JAM3: variants seen among roughly 807,000 people sequenced by gnomAD.
JAM3 encodes the protein junctional adhesion molecule C.
A neutral mutation model predicts 39.4 loss-of-function variants in JAM3; 31 were observed. The observed-to-expected ratio is 0.79, with a 90% CI of 0.59 to 1.06. The LOEUF is 1.06. JAM3 is among the 50% of genes least tolerant of loss of function. The pLI, the probability that JAM3 is intolerant of heterozygous loss-of-function variation, is 0.00. For missense variants in JAM3, 455 were observed against 391.4 expected, an observed-to-expected ratio of 1.16 and a Z score of -1.37; for synonymous variants, 182 against 148.7, an observed-to-expected ratio of 1.22 and a Z score of -1.63.
At chr11:134,095,115 T>G (rs1235179339) in intron 1 of JAM3, among the ~76,000 whole-genome samples, 1 of 152,186 alleles carries the variant, frequency 6.6e-6, no homozygotes, top group East Asian at 1.9e-4. Flanking sequence ...ACTGTCAGCA[T>G]TAGGTCTGTC....
At chr11:134,145,532 A>G in intron 5 of JAM3, 1 of 322,862 alleles carries the variant, frequency 3.1e-6, no homozygotes, top group South Asian at 2.9e-5. Context: ...CCAGCAAACC[A>G]CACCAGGCTT....
chr11:134,129,740 G>T (rs781262358), intron 1 of JAM3, among the ~76,000 whole-genome samples: 3 of 152,174 alleles, frequency 2.0e-5, no homozygotes, highest in Non-Finnish European at 4.4e-5. Flanking sequence ...GATGGCTTAC[G>T]CCTGTAAGCC....
chr11:134,126,623 T>G (rs547251172), intron 1 of JAM3: 12 of 152,348 alleles, frequency 7.9e-5, no homozygotes, highest in African/African-American at 2.9e-4. Flanking sequence ...CACACAGATA[T>G]GGGAGGGATT....
intron 1 of JAM3, among the ~76,000 whole-genome samples, chr11:134,088,117 T>G (rs1379029177): frequency 1.3e-5 from 2 of 152,220 alleles, no homozygotes; most frequent in African/African-American, 2.4e-5. Context: ...ACATCACTGT[T>G]AAGTGCTGGG....
chr11:134,121,027 TG>T (rs1212967354), intron 1 of JAM3, among the ~76,000 whole-genome samples: 1 of 152,154 alleles, frequency 6.6e-6, no homozygotes, highest in East Asian at 1.9e-4. Context: ...ATGCTGGGTC[TG>T]GCCCCCACAG....
chr11:134,145,285 A>AGTTGTAAAAATC, intron 5 of JAM3: 1 of 498,360 alleles, frequency 2.0e-6, no homozygotes, highest in Non-Finnish European at 3.6e-6. Flanking sequence ...AAGTCATTAG[A>AGTTGTAAAAATC]CAATCGGGGA....
chr11:134,128,675 T>G (rs1942702566), intron 1 of JAM3, among the ~76,000 whole-genome samples: 1 of 151,972 alleles, frequency 6.6e-6, no homozygotes. Flanking sequence ...CCTGCTGCTT[T>G]GTGAAGAAGG....
Position 134,149,361 on chromosome 11 carries a change from A to T in JAM3, c.*180A>T. The stretch of plus-strand genomic sequence containing the variant: ...CTCTAACAAGCCACATGAATAGAAG[A>T]ATTTTCCTCAAGATGGACCCGGTAA... On this transcript the variant is annotated 3_prime_UTR_variant, in exon 9 of 9. Coordinates refer to ENST00000299106, the MANE Select transcript of JAM3 (RefSeq NM_032801.5). 2.9e-6 allele frequency: 2 copies of T among 699,146 alleles called. No individual in the cohort carries two copies. The highest frequency in any genetic ancestry group is 5.0e-6 in the Non-Finnish European group (2 of 403,634). The allele number at this position is 699,146 out of a possible 1,614,324, so 43.3% of individuals were successfully genotyped here.
chr11:134,109,225 G>T (rs1457188971), intron 1 of JAM3, among the ~76,000 whole-genome samples: 2 of 151,996 alleles, frequency 1.3e-5, no homozygotes, highest in African/African-American at 4.8e-5. Context: ...ACCTCCCAAA[G>T]TGCTGGGATT....
chr11:134,098,311 A>T lies in JAM3; in HGVS notation c.76+29152A>T, dbSNP rs115226618. ...GAGAGGAAAACTAAGAGCAATGCCAAATTAACTGAAATCTTCTGTTTTGAA... is the reference window on the plus strand; with the variant it reads ...GAGAGGAAAACTAAGAGCAATGCCATATTAACTGAAATCTTCTGTTTTGAA... On this transcript the variant is annotated intron_variant, in intron 1 of 8. Coordinates refer to ENST00000299106, the MANE Select transcript of JAM3 (RefSeq NM_032801.5). Among the ~76,000 whole-genome samples, 704 of 152,334 alleles carry T rather than the reference A, an allele frequency of 4.6e-3. 6 individuals are homozygous for T. Among genetic ancestry groups the T allele is most frequent in the African/African-American group, 0.016 (672 of 41,578 alleles).
At chr11:134,138,809 C>G (rs191891179) in intron 1 of JAM3, among the ~76,000 whole-genome samples, 15 of 152,228 alleles carry the variant, frequency 9.9e-5, no homozygotes, top group South Asian at 4.1e-4. Context: ...TTGTTTAGGG[C>G]TTTTGCTAGA....
At chr11:134,142,211 G>T (rs1373358022) in intron 3 of JAM3, among the ~76,000 whole-genome samples, 3 of 152,160 alleles carry the variant, frequency 2.0e-5, no homozygotes, top group African/African-American at 7.2e-5. Flanking sequence ...GGGAGGCCGA[G>T]GGAGACGGTT....
intron 1 of JAM3, among the ~76,000 whole-genome samples, chr11:134,092,675 A>G (rs1941891512): frequency 2.5e-5 from 3 of 117,690 alleles, no homozygotes; most frequent in Non-Finnish European, 5.2e-5. Flanking sequence ...TCCTGAGGGA[A>G]GCTTCTCCTG....
At chr11:134,109,100 G>A (rs1225804297) in intron 1 of JAM3, among the ~76,000 whole-genome samples, 1 of 152,032 alleles carries the variant, frequency 6.6e-6, no homozygotes, top group African/African-American at 2.4e-5. Context: ...GGGACTACAG[G>A]CACGAGCCAC....
Position 134,150,855 on chromosome 11 carries a change from C to A in JAM3, c.*1674C>A, listed in dbSNP as rs530777526. 14 of 152,226 alleles carry A rather than the reference C, an allele frequency of 9.2e-5. No homozygotes were observed. The highest frequency in any genetic ancestry group is 8.3e-4 in the South Asian group (4 of 4,822). The allele number at this position is 152,226 out of a possible 1,614,324, so 9.4% of individuals were successfully genotyped here. On this transcript the variant is annotated 3_prime_UTR_variant, in exon 9 of 9. Transcript: ENST00000299106. ...GCGGCCAGTCCAGCCTTTTAAAGAACGTCAGGTGGAGCAGCCAGGTGAAAG... is the reference window on the plus strand; with the variant it reads ...GCGGCCAGTCCAGCCTTTTAAAGAAAGTCAGGTGGAGCAGCCAGGTGAAAG...
intron 1 of JAM3, among the ~76,000 whole-genome samples, chr11:134,135,055 A>G (rs896527939): frequency 6.6e-5 from 10 of 152,114 alleles, no homozygotes; most frequent in African/African-American, 2.4e-4. Flanking sequence ...TTGGTGTTGT[A>G]TCAAATCATT....
intron 1 of JAM3, among the ~76,000 whole-genome samples, chr11:134,075,643 T>C (rs982279193): frequency 1.6e-4 from 24 of 152,196 alleles, no homozygotes; most frequent in African/African-American, 5.6e-4. Context: ...CCCAGTCTGA[T>C]CTTGAACTCC....
chr11:134,133,434 C>A (rs1942805330), intron 1 of JAM3, among the ~76,000 whole-genome samples: 1 of 152,150 alleles, frequency 6.6e-6, no homozygotes, highest in African/African-American at 2.4e-5. Context: ...ATAGGTTTTT[C>A]ATATATGACC....
At chr11:134,085,683 A>G (rs1441330753) in intron 1 of JAM3, among the ~76,000 whole-genome samples, 2 of 152,228 alleles carry the variant, frequency 1.3e-5, no homozygotes, top group Admixed American at 1.3e-4. Flanking sequence ...TTTAATGGCA[A>G]TATGCACTTC....
Sources: gnomAD v4.1 joint callset for allele counts (sites outside exome capture counted in the v4.1 genomes callset) on GRCh38, gnomAD v4.1.1 for gene constraint, MANE v1.5 for transcripts, NCBI Gene and HGNC (gene_info 2026-07-23, HGNC 2026-07-21) for gene names.